The following ABHD16A variants were observed in gnomAD, a reference collection of about 807,000 sequenced individuals.
ABHD16A encodes phosphatidylserine lipase ABHD16A.
ABHD16A carries 47 observed loss-of-function variants against 89.8 expected under a neutral mutation model. The ratio of observed to expected loss-of-function variants is 0.52; its 90% confidence interval spans 0.41 to 0.67. The LOEUF (loss-of-function observed/expected upper bound fraction) is 0.67. Ranked by LOEUF, ABHD16A falls within the 30% of genes least tolerant of loss-of-function variation. ABHD16A has a pLI of 0.00. For missense variants in ABHD16A, 580 were observed against 734.6 expected, an observed-to-expected ratio of 0.79 and a Z score of 2.43; for synonymous variants, 251 against 280.4, an observed-to-expected ratio of 0.90 and a Z score of 1.05.
chr6:31,701,063 C>T (rs373638972), intron 3 of ABHD16A, 35 bp from the exon 4 acceptor site: 73 of 1,552,886 alleles, frequency 4.7e-5, no homozygotes, highest in African/African-American at 2.2e-4. Context: ...AGACCCTCTC[C>T]GCAATGTCCC....
At position 31,690,140 on chromosome 6, in the gene ABHD16A, G is replaced by A. The variant is rs757824543; in HGVS notation, c.908-13C>T. 1.8e-5 allele frequency: 29 copies of A among 1,585,680 alleles called. 1 individual carries two copies. The South Asian group carries it at 2.4e-4, about 13-fold the overall frequency. ...ACTGAATATCCAGCTGTAACACAGG[G>A]GGAGGAGGGACTGAGACCTTGTGGC... is the stretch of plus-strand genomic sequence containing the variant. On this transcript the variant is annotated splice_polypyrimidine_tract_variant and intron_variant, in intron 10 of 19. Transcript: ENST00000395952. This position sits in a 1 kb window ranked among gnomAD's most constrained non-coding sequence, Gnocchi z 4.1.
intron 4 of ABHD16A, among the ~76,000 whole-genome samples, chr6:31,700,101 T>A (rs1804803095): frequency 6.6e-6 from 1 of 151,642 alleles, no homozygotes; most frequent in Non-Finnish European, 1.5e-5. Flanking sequence ...TGCTATATAG[T>A]GTTCTCTTGC....
At chr6:31,689,822 A>C in intron 11 of ABHD16A, 118 bp from the exon 12 acceptor site, 1 of 1,416,862 alleles carries the variant, frequency 7.1e-7, no homozygotes, top group Non-Finnish European at 9.4e-7. Flanking sequence ...TGTAGAAGGA[A>C]GGGATGGTAG....
In ABHD16A at chr6:31,696,988, A is replaced by G. The variant is rs1804460998; in HGVS notation, c.389T>C (p.Ile130Thr). Reference protein sequence around the residue: ...TNPQYRQFITILEATHRNQSS... With the variant: ...TNPQYRQFITTLEATHRNQSS... ...CTGGTTCCGATGTGTTGCTTCCAAG[A>G]TGGTGATGAACTGCCGGTACTGGGG... The change falls in exon 5 of 20, where the codon ATC (isoleucine) becomes ACC (threonine). Residue 130 changes from isoleucine (I) to threonine (T), a missense_variant. Around this residue, in one of 2 missense-constraint regions of ABHD16A, gnomAD observed 415 missense variants for 568.8 expected, o/e 0.73. Transcript: ENST00000395952. 6.2e-7 allele frequency: 1 copy of G among 1,613,052 alleles called. No homozygotes were observed.
Position 31,687,593 on chromosome 6 carries a change from C to G in ABHD16A, c.1546+49G>C, listed in dbSNP as rs774348828. On this transcript the variant is annotated intron_variant, in intron 18 of 19. Transcript: ENST00000395952. This position sits in a 1 kb window ranked among gnomAD's most constrained non-coding sequence, Gnocchi z 6.3. ...TAGGCCACACATCTGGGTATTCATC[C>G]CCTTCCTAGGCCCTTCCCACCCTCT... The G allele has an allele frequency of 6.2e-7, 1 of 1,613,002 alleles. No homozygotes were observed. The highest frequency in any genetic ancestry group is 2.2e-5 in the East Asian group (1 of 44,884).
intron 5 of ABHD16A, among the ~76,000 whole-genome samples, chr6:31,695,758 C>CACTGTGGGATTAT (rs1804326689): frequency 6.6e-6 from 1 of 152,008 alleles, no homozygotes; most frequent in East Asian, 1.9e-4. Context: ...GGGCCAGGCA[C>CACTGTGGGATTAT]AGTGGCTCAC....
intron 12 of ABHD16A, 104 bp from the exon 13 acceptor site, chr6:31,689,223 CTA>C (rs1803610877): frequency 2.0e-6 from 2 of 1,022,940 alleles, no homozygotes; most frequent in Non-Finnish European, 2.9e-6. Context: ...CCCATTCCCC[CTA>C]TGTTATCCCT....
chr6:31,701,789 C>T (rs1432207707), intron 2 of ABHD16A, among the ~76,000 whole-genome samples: 2 of 152,192 alleles, frequency 1.3e-5, no homozygotes, highest in African/African-American at 4.8e-5. Context: ...GAGGACAGGT[C>T]ACTGGGGAAC....
chr6:31,689,843 T>C (rs969161567), intron 11 of ABHD16A, 139 bp from the exon 12 acceptor site: 4 of 1,316,994 alleles, frequency 3.0e-6, no homozygotes, highest in Non-Finnish European at 4.1e-6. Context: ...GAGAGGTTGT[T>C]CTCTCCAGAA....
chr6:31,696,502 G>A (rs981419245), intron 5 of ABHD16A, among the ~76,000 whole-genome samples: 8 of 151,826 alleles, frequency 5.3e-5, no homozygotes, highest in African/African-American at 1.9e-4. Flanking sequence ...TGTGGGTGGT[G>A]CGTGCCTGTA....
At chr6:31,701,239 A>T (rs1316445076) in intron 3 of ABHD16A, 35 bp downstream of exon 3, 1 of 1,593,288 alleles carries the variant, frequency 6.3e-7, no homozygotes, top group Non-Finnish European at 8.6e-7. Flanking sequence ...CAACCTGCCC[A>T]TTTGCTACCC....
chr6:31,703,189 C>T lies in ABHD16A; in HGVS notation c.93G>A (p.Glu31=), dbSNP rs763385873. ...DSERAPASVP[E]TPTAVTAPHS... ...GGGGGGCAGTGACTGCCGTTGGCGT[C>T]TCAGGGACGCTGGCCGGGGCCCTTT... Residue 31 remains glutamate (E), a synonymous_variant, in exon 1 of 20, where the codon GAG becomes GAA. Coordinates refer to ENST00000395952, the MANE Select transcript of ABHD16A (RefSeq NM_021160.3). 1 of 1,437,568 alleles carries T rather than the reference C, an allele frequency of 7.0e-7. No homozygotes were observed. The highest frequency in any genetic ancestry group is 2.7e-5 in the East Asian group (1 of 37,350). 89.1% of individuals were successfully genotyped at this position (1,437,568 alleles called of 1,614,324 possible).
Position 31,689,597 on chromosome 6 carries a change from G to T in ABHD16A, c.1065C>A (p.Ser355=). 6.2e-7 allele frequency: 1 copy of T among 1,604,846 alleles called. No individual in the cohort carries two copies. ...GGCTGGTACCAGTGAAGCCGCCGAT[G>T]GACCAGGCGTAGATGATGATGTCCT... The part of the protein sequence containing the change: ...QPQDIIIYAW[S]IGGFTATWAA... Residue 355 remains serine, a synonymous_variant, in exon 12 of 20, where the codon TCC becomes TCA. Transcript: ENST00000395952.
intron 12 of ABHD16A, 112 bp from the exon 13 acceptor site, chr6:31,689,231 T>A: frequency 2.0e-6 from 2 of 992,746 alleles, no homozygotes. Flanking sequence ...CCCTATGTTA[T>A]CCCTTGTTTT....
At position 31,688,944 on chromosome 6, in the gene ABHD16A, G is replaced by T; in HGVS notation, c.1186+71C>A. Reference sequence around the variant, plus strand: ...CTTACTCCCCACCCAAGAAAAGGGAGCCATCTCAGAACAGTTCCCAGTTCC... The same window carrying T: ...CTTACTCCCCACCCAAGAAAAGGGATCCATCTCAGAACAGTTCCCAGTTCC... On this transcript the variant is annotated intron_variant, in intron 13 of 19. Transcript: ENST00000395952. The surrounding 1 kb of genome is among the most constrained non-coding windows in gnomAD (Gnocchi z 4.9). The T allele has an allele frequency of 6.8e-7, 1 of 1,474,792 alleles. No individual in the cohort carries two copies. The allele number at this position is 1,474,792 out of a possible 1,614,324, so 91.4% of individuals were successfully genotyped here.
chr6:31,703,103 G>C, intron 1 of ABHD16A, 47 bp downstream of exon 1: 1 of 1,384,260 alleles, frequency 7.2e-7, no homozygotes, highest in Non-Finnish European at 9.4e-7. Flanking sequence ...AGGCCGTAAA[G>C]GGTTTGGACT....
rs1804611516 is a variant in ABHD16A at position 31,698,562 on chromosome 6, T to C, written c.344-1529A>G. ...GTGCAATGATGTGCTCTCGGCTCAC[T>C]GCAACCTCCGCCTCCCGGGTTCAAG... is the stretch of plus-strand genomic sequence containing the variant. On this transcript the variant is annotated intron_variant, in intron 4 of 19. Transcript: ENST00000395952. The surrounding 1 kb of genome is among the most constrained non-coding windows in gnomAD (Gnocchi z 4.1). Among the ~76,000 whole-genome samples the C allele has an allele frequency of 6.6e-6, 1 of 152,122 alleles. No individual in the cohort carries two copies. Among genetic ancestry groups the C allele is most frequent in the African/African-American group, 2.4e-5 (1 of 41,426 alleles).
At chr6:31,696,633 C>CAA (rs370598776) in intron 5 of ABHD16A, among the ~76,000 whole-genome samples, 1 of 103,388 alleles carries the variant, frequency 9.7e-6, no homozygotes, top group Non-Finnish European at 2.0e-5. Flanking sequence ...AACTCCATCT[C>CAA]AAAAAAAAAA....
At position 31,688,888 on chromosome 6, in the gene ABHD16A, A is replaced by C. The variant is rs891287001; in HGVS notation, c.1187-102T>G. ...AAAGAAAACTGAGGCCCCCAGACAAAGGAGTCCTCCTGCTTCCAACAATGG... is the reference window on the plus strand; with the variant it reads ...AAAGAAAACTGAGGCCCCCAGACAACGGAGTCCTCCTGCTTCCAACAATGG... On this transcript the variant is annotated intron_variant, in intron 13 of 19. Transcript: ENST00000395952. This position sits in a 1 kb window ranked among gnomAD's most constrained non-coding sequence, Gnocchi z 4.9. The C allele has an allele frequency of 8.0e-5, 115 of 1,437,566 alleles. No individual in the cohort carries two copies. In the African/African-American group the frequency reaches 1.2e-3, roughly 15 times the overall value. 89.1% of individuals were successfully genotyped at this position (1,437,566 alleles called of 1,614,324 possible). A position where few individuals can be genotyped will look rare whatever the true frequency, so the allele number is the denominator to read the frequency against.
Sources: gnomAD v4.1 joint callset for allele counts (sites outside exome capture counted in the v4.1 genomes callset) on GRCh38, gnomAD v4.1.1 for gene constraint, gnomAD v4.1.1 regional missense constraint, Gnocchi (gnomAD v3.1) non-coding constraint, MANE v1.5 for transcripts, NCBI Gene and HGNC (gene_info 2026-07-23, HGNC 2026-07-21) for gene names.